EIF2S1: variants seen among roughly 807,000 people sequenced by gnomAD.
EIF2S1 encodes the protein eukaryotic translation initiation factor 2 subunit alpha.
Under a neutral mutation model 33.5 loss-of-function variants are expected in EIF2S1, and 5 were observed. The ratio of observed to expected loss-of-function variants is 0.15; its 90% CI spans 0.08 to 0.31. EIF2S1 has a LOEUF of 0.31. Among genes scored for constraint, EIF2S1 ranks in the 10% least tolerant of loss-of-function variants. The pLI is 1.00. For synonymous variants in EIF2S1, 99 were observed against 127.5 expected (o/e 0.78, Z 1.51); for missense variants, 191 against 384.6 (o/e 0.50, Z 4.21).
In EIF2S1 at chr14:67,360,328, A is replaced by G; in HGVS notation, c.-130A>G. On this transcript the variant is annotated 5_prime_UTR_variant, in exon 1 of 8. It removes an upstream start codon present in the reference 5' UTR. Coordinates refer to ENST00000256383, the MANE Select transcript of EIF2S1 (RefSeq NM_004094.5). ...GCTTGCGCATGCGAGGAGGTTCCGCATGCGCGGTGGAGTGAGCGAAGCGCA... is the reference window on the plus strand; with the variant it reads ...GCTTGCGCATGCGAGGAGGTTCCGCGTGCGCGGTGGAGTGAGCGAAGCGCA... The G allele has an allele frequency of 2.5e-6, 1 of 397,922 alleles. No individual in the cohort carries two copies. Among genetic ancestry groups the G allele is most frequent in the Non-Finnish European group, 4.4e-6 (1 of 225,730 alleles). 24.6% of individuals were successfully genotyped at this position (397,922 alleles called of 1,614,324 possible). A position where few individuals can be genotyped will look rare whatever the true frequency, so the allele number is the denominator to read the frequency against.
intron 2 of EIF2S1, among the ~76,000 whole-genome samples, chr14:67,366,130 T>G (rs943898807): frequency 6.6e-6 from 1 of 151,800 alleles, no homozygotes; most frequent in East Asian, 1.9e-4. Context: ...TCACCCAGGC[T>G]GCAGTGTAGT....
At chr14:67,374,963 T>G (rs192676561) in intron 3 of EIF2S1, among the ~76,000 whole-genome samples, 45 of 152,218 alleles carry the variant, frequency 3.0e-4, no homozygotes, top group Non-Finnish European at 5.3e-4. Flanking sequence ...GACAACCAGC[T>G]GTTATATGTT....
intron 7 of EIF2S1, 142 bp from the exon 8 acceptor site, chr14:67,383,173 A>C: frequency 1.2e-6 from 1 of 860,396 alleles, no homozygotes. Flanking sequence ...TTTATTGCTG[A>C]TAAGTCACTC....
Position 67,379,654 on chromosome 14 carries a change from C to CTTTTTTTTTTTT in EIF2S1, c.474-998_474-987dup, listed in dbSNP as rs541791101. 3.7e-4 allele frequency among the ~76,000 whole-genome samples: 44 copies of CTTTTTTTTTTTT among 119,940 alleles called. 1 individual carries two copies. The highest frequency in any genetic ancestry group is 2.4e-3 in the East Asian group (8 of 3,370). The allele number at this position is 119,940 out of a possible 152,430, so 78.7% of individuals were successfully genotyped here. On this transcript the variant is annotated intron_variant, in intron 4 of 7. Transcript: ENST00000256383. ...GACATAACTTTCTTTTTTTCTTTTT[C>CTTTTTTTTTTTT]TTTTTTTTTTTTTTTTTTGAGACGG...
intron 2 of EIF2S1, among the ~76,000 whole-genome samples, chr14:67,368,530 T>C (rs1404839671): frequency 6.6e-6 from 1 of 152,194 alleles, no homozygotes; most frequent in Non-Finnish European, 1.5e-5. Context: ...GGCTCTGTGA[T>C]TAATGGATGC....
intron 2 of EIF2S1, among the ~76,000 whole-genome samples, chr14:67,371,566 C>G (rs2085821850): frequency 6.6e-6 from 1 of 152,166 alleles, no homozygotes; most frequent in African/African-American, 2.4e-5. Flanking sequence ...CCTATACACA[C>G]ATAGGTTGTT....
intron 7 of EIF2S1, 194 bp downstream of exon 7, chr14:67,382,784 T>A: frequency 1.7e-6 from 1 of 587,622 alleles, no homozygotes; most frequent in Non-Finnish European, 2.9e-6. Context: ...AATGAGAAGT[T>A]TTTTTATGGT....
chr14:67,371,028 A>G (rs1595646233), intron 2 of EIF2S1, among the ~76,000 whole-genome samples: 1 of 152,134 alleles, frequency 6.6e-6, no homozygotes, highest in South Asian at 2.1e-4. Context: ...CTGTCTCAAA[A>G]AAAAGGAAAA....
At chr14:67,370,546 A>C (rs1055629067) in intron 2 of EIF2S1, among the ~76,000 whole-genome samples, 3 of 152,246 alleles carry the variant, frequency 2.0e-5, no homozygotes, top group African/African-American at 7.2e-5. Flanking sequence ...CAGATGCTAC[A>C]GACATTAAAA....
In EIF2S1 at chr14:67,384,151, C is replaced by T. The variant is rs1203976694; in HGVS notation, c.*711C>T. 1 of 152,240 alleles carries T rather than the reference C, an allele frequency of 6.6e-6. No homozygotes were observed. The highest frequency in any genetic ancestry group is 1.5e-5 in the Non-Finnish European group (1 of 68,080). The allele number at this position is 152,240 out of a possible 1,614,324, so 9.4% of individuals were successfully genotyped here. A position where few individuals can be genotyped will look rare whatever the true frequency, so the allele number is the denominator to read the frequency against. On this transcript the variant is annotated 3_prime_UTR_variant, in exon 8 of 8. Coordinates refer to ENST00000256383, the MANE Select transcript of EIF2S1 (RefSeq NM_004094.5). ...ACAACCTGTGTGAGAGAATTTATCA[C>T]ACCACGTCCTTATTGGAATAATAAG...
chr14:67,367,605 G>A (rs373429086), intron 2 of EIF2S1, among the ~76,000 whole-genome samples: 7 of 152,134 alleles, frequency 4.6e-5, no homozygotes, highest in South Asian at 2.1e-4. Context: ...AATGGAACAC[G>A]GTGGGCACGT....
At chr14:67,369,624 T>C (rs1412525155) in intron 2 of EIF2S1, among the ~76,000 whole-genome samples, 1 of 152,218 alleles carries the variant, frequency 6.6e-6, no homozygotes, top group Non-Finnish European at 1.5e-5. Flanking sequence ...ACAAATATGT[T>C]CTCTGATCAC....
At position 67,364,739 on chromosome 14, in the gene EIF2S1, TTAC is replaced by T. The variant is rs766942321; in HGVS notation, c.-1-26_-1-24del. On this transcript the variant is annotated intron_variant, in intron 1 of 7. Transcript: ENST00000256383. The stretch of plus-strand genomic sequence containing the variant: ...TTTTATTTTCACCTTAACTGAATAC[TTAC>T]TTAATTCTTTTGTTTAAATTGCAGA... The T allele has an allele frequency of 1.7e-5, 27 of 1,595,128 alleles. No homozygotes were observed. In the African/African-American group the frequency reaches 3.4e-4, roughly 20 times the overall value.
intron 6 of EIF2S1, among the ~76,000 whole-genome samples, chr14:67,382,131 C>A (rs72719122): frequency 0.03 from 4,601 of 151,982 alleles, 87 homozygotes; most frequent in Non-Finnish European, 0.036. Flanking sequence ...ACAAATTATC[C>A]ATTATACTGA....
At chr14:67,370,331 A>G (rs56397259) in intron 2 of EIF2S1, among the ~76,000 whole-genome samples, 6,227 of 152,342 alleles carry the variant, frequency 0.041, 168 homozygotes, top group Non-Finnish European at 0.061. Flanking sequence ...TTCTCCCAAC[A>G]CAAAGTAAGT....
intron 2 of EIF2S1, among the ~76,000 whole-genome samples, chr14:67,372,685 G>A (rs769820811): frequency 7.9e-5 from 12 of 151,828 alleles, no homozygotes; most frequent in Non-Finnish European, 1.5e-4. Flanking sequence ...AAAAATTAGC[G>A]GGCATAGTGG....
intron 4 of EIF2S1, among the ~76,000 whole-genome samples, chr14:67,378,314 C>CTTT (rs34487632): frequency 0.017 from 1,866 of 107,534 alleles, 18 homozygotes; most frequent in Non-Finnish European, 0.027. Context: ...TCTCATGTGA[C>CTTT]TTTTTTTTTT....
At chr14:67,378,315 T>C (rs1448491286) in intron 4 of EIF2S1, among the ~76,000 whole-genome samples, 1 of 98,442 alleles carries the variant, frequency 1.0e-5, no homozygotes, top group African/African-American at 5.1e-5. Context: ...CTCATGTGAC[T>C]TTTTTTTTTT....
intron 6 of EIF2S1, among the ~76,000 whole-genome samples, chr14:67,382,171 G>A (rs1358082889): frequency 2.0e-5 from 3 of 151,960 alleles, no homozygotes; most frequent in Non-Finnish European, 4.4e-5. Context: ...AGCCACCAAA[G>A]ATACACGGAA....
Sources: gnomAD v4.1 joint callset for allele counts (sites outside exome capture counted in the v4.1 genomes callset) on GRCh38, gnomAD v4.1.1 for gene constraint, MANE v1.5 for transcripts, NCBI Gene and HGNC (gene_info 2026-07-23, HGNC 2026-07-21) for gene names.